The following TSNARE1 variants were observed in gnomAD, a reference collection of about 807,000 sequenced individuals.
TSNARE1 encodes the protein t-SNARE domain-containing protein 1.
In TSNARE1, 49 loss-of-function variants were observed where a neutral mutation model predicts 62.0. The observed-to-expected ratio is 0.79, with a 90% CI of 0.63 to 1.00. The LOEUF (loss-of-function observed/expected upper bound fraction) is 1.00. TSNARE1 is among the 50% of genes least tolerant of loss of function. The probability of loss-of-function intolerance (pLI) is 0.00; values close to 1 mark genes in which losing one functional copy is unlikely to be tolerated. For synonymous variants in TSNARE1, 328 were observed against 294.4 expected (o/e 1.11, Z -1.17); for missense variants, 755 against 700.1 (o/e 1.08, Z -0.88).
At chr8:142,382,161 G>A (rs1050051596) in intron 1 of TSNARE1, among the ~76,000 whole-genome samples, 1 of 152,004 alleles carries the variant, frequency 6.6e-6, no homozygotes, top group Non-Finnish European at 1.5e-5. Context: ...GCTCATGTGT[G>A]CGACAGAGAG....
intron 1 of TSNARE1, among the ~76,000 whole-genome samples, chr8:142,375,511 G>C (rs942988496): frequency 6.6e-6 from 1 of 152,174 alleles, no homozygotes; most frequent in Non-Finnish European, 1.5e-5. Context: ...CAGCTTCCTC[G>C]GCTCCAAGGG....
intron 1 of TSNARE1, among the ~76,000 whole-genome samples, chr8:142,384,857 T>C (rs986363885): frequency 4.6e-5 from 7 of 152,210 alleles, no homozygotes; most frequent in Non-Finnish European, 8.8e-5. Flanking sequence ...TTAAAAACTT[T>C]TGTACATGAA....
chr8:142,231,084 T>C (rs1022970787), intron 12 of TSNARE1, among the ~76,000 whole-genome samples: 2 of 152,136 alleles, frequency 1.3e-5, no homozygotes, highest in African/African-American at 2.4e-5. Flanking sequence ...CCCACCCATC[T>C]ATCCACCCAT....
chr8:142,300,944 G>C (rs1353681839), intron 9 of TSNARE1, among the ~76,000 whole-genome samples: 1 of 146,568 alleles, frequency 6.8e-6, no homozygotes, highest in Non-Finnish European at 1.5e-5. Flanking sequence ...CCAGCAGAGG[G>C]GAGGGTGGGC....
chr8:142,348,441 G>A (rs1364857686), intron 2 of TSNARE1, among the ~76,000 whole-genome samples: 1 of 152,020 alleles, frequency 6.6e-6, no homozygotes, highest in African/African-American at 2.4e-5. Flanking sequence ...GAGGAAGCAC[G>A]GCTGGGCTAA....
chr8:142,334,538 A>G (rs1280804222), intron 4 of TSNARE1, among the ~76,000 whole-genome samples: 2 of 152,304 alleles, frequency 1.3e-5, no homozygotes, highest in East Asian at 3.9e-4. Context: ...GAATTGCCAG[A>G]AATAATGACC....
In TSNARE1 at chr8:142,344,150, C is replaced by G; in HGVS notation, c.561G>C (p.Lys187Asn). The change falls in exon 4 of 14, where the codon AAG (lysine) becomes AAC (asparagine). Residue 187 changes from lysine to asparagine, a missense_variant. Lys to Asn is a moderately conservative substitution (Grantham distance 94). Coordinates refer to ENST00000524325, the MANE Select transcript of TSNARE1 (RefSeq NM_145003.5). ...GCACGACGGCTCGTAGGTCCCGCCA[C>G]TTGTGCTTCAGGTCCACAACGTCGC... ...CRRDVVDLKH[K>N]WRDLRAVVRR... 6.2e-7 allele frequency: 1 copy of G among 1,613,192 alleles called. No homozygotes were observed. The highest frequency in any genetic ancestry group is 2.2e-5 in the East Asian group (1 of 44,860).
intron 10 of TSNARE1, among the ~76,000 whole-genome samples, chr8:142,290,716 G>A (rs1823607177): frequency 6.6e-6 from 1 of 152,266 alleles, no homozygotes; most frequent in Non-Finnish European, 1.5e-5. Flanking sequence ...GGCACCTTCA[G>A]GCTGTGCAAT....
At chr8:142,283,558 G>A (rs185444105) in intron 11 of TSNARE1, among the ~76,000 whole-genome samples, 1 of 132,804 alleles carries the variant, frequency 7.5e-6, no homozygotes, top group Non-Finnish European at 1.6e-5. Flanking sequence ...TCAATGAGCA[G>A]AGGCGGAGTT....
intron 2 of TSNARE1, among the ~76,000 whole-genome samples, chr8:142,346,836 G>A (rs1833435827): frequency 6.6e-6 from 1 of 152,210 alleles, no homozygotes; most frequent in African/African-American, 2.4e-5. Flanking sequence ...AGTGACACTA[G>A]GGGCCGCCCT....
At chr8:142,289,927 T>C (rs1015838011) in intron 10 of TSNARE1, among the ~76,000 whole-genome samples, 2 of 152,078 alleles carry the variant, frequency 1.3e-5, no homozygotes, top group Non-Finnish European at 2.9e-5. Context: ...ATCCCAAGGA[T>C]GGGCCCAGAG....
At chr8:142,242,490 G>C (rs547766332) in intron 12 of TSNARE1, among the ~76,000 whole-genome samples, 12 of 152,300 alleles carry the variant, frequency 7.9e-5, no homozygotes. Flanking sequence ...CTGCAGAATG[G>C]GAGGAAATAT....
chr8:142,344,517 G>A, intron 3 of TSNARE1, 45 bp from the exon 4 acceptor site: 2 of 1,443,120 alleles, frequency 1.4e-6, no homozygotes, highest in Non-Finnish European at 1.8e-6. Flanking sequence ...CTGGGCCTGT[G>A]GAGGCAGCGG....
At chr8:142,323,937 C>T (rs1425617924) in intron 6 of TSNARE1, among the ~76,000 whole-genome samples, 1 of 152,172 alleles carries the variant, frequency 6.6e-6, no homozygotes, top group Non-Finnish European at 1.5e-5. Context: ...CTGCACCTGT[C>T]TTATGACCCC....
At chr8:142,401,628 C>T (rs566188900) in intron 1 of TSNARE1, among the ~76,000 whole-genome samples, 15 of 152,200 alleles carry the variant, frequency 9.9e-5, no homozygotes, top group African/African-American at 3.6e-4. Context: ...GGGAAGTGTC[C>T]AGGGAAGGTT....
At chr8:142,300,733 C>T (rs1054538129) in intron 9 of TSNARE1, 89 bp from the exon 10 acceptor site, 15 of 1,359,134 alleles carry the variant, frequency 1.1e-5, no homozygotes, top group Admixed American at 4.0e-5. Flanking sequence ...TGGTGCTTTT[C>T]CCTTCACTAT....
rs745841520 is a variant in TSNARE1, at chr8:142,344,031, A to G, written c.680T>C (p.Val227Ala). Residue 227 changes from valine (V) to alanine (A), a missense_variant, in exon 4 of 14, where the codon GTG (valine) becomes GCG (alanine). Physicochemically the swap from Val to Ala is moderately conservative, Grantham distance 64. Coordinates refer to ENST00000524325, the MANE Select transcript of TSNARE1 (RefSeq NM_145003.5). ...QALALTPVEQ[V>A]VAKTFSCQAL... ...CTGGCAAGAGAAGGTCTTGGCCACC[A>G]CCTGCTCCACGGGCGTGAGAGCCAG... 8 of 1,575,930 alleles carry G rather than the reference A, an allele frequency of 5.1e-6. No individual in the cohort carries two copies. The highest frequency in any genetic ancestry group is 6.9e-6 in the Non-Finnish European group (8 of 1,159,040).
At position 142,365,602 on chromosome 8, in the gene TSNARE1, G is replaced by GCGCACACACACACA. The variant is rs149020570; in HGVS notation, c.-39-10840_-39-10839insTGTGTGTGTGTGCG. Among the ~76,000 whole-genome samples, 13 of 144,508 alleles carry GCGCACACACACACA rather than the reference G, an allele frequency of 9.0e-5. 1 individual carries two copies. The South Asian group carries it at 1.8e-3, about 20-fold the overall frequency. 94.8% of individuals were successfully genotyped at this position (144,508 alleles called of 152,430 possible). On this transcript the variant is annotated intron_variant, in intron 1 of 13. Coordinates refer to ENST00000524325, the MANE Select transcript of TSNARE1 (RefSeq NM_145003.5). ...AAACCATCCATAAACACATGCACAC[G>GCGCACACACACACA]CACACACACACACACACACACACAC...
intron 13 of TSNARE1, among the ~76,000 whole-genome samples, chr8:142,222,507 C>CTAAT (rs1563755286): frequency 1.2e-4 from 7 of 60,822 alleles, no homozygotes; most frequent in South Asian, 6.3e-4. Flanking sequence ...CACTCATCCA[C>CTAAT]TCACTCACTC....
Sources: allele counts gnomAD v4.1 joint callset (sites outside exome capture counted in the v4.1 genomes callset), GRCh38; gene constraint gnomAD v4.1.1; transcripts MANE v1.5; gene names NCBI Gene and HGNC (gene_info 2026-07-23, HGNC 2026-07-21).